The following CAMK1D variants were observed in gnomAD, a reference collection of about 807,000 sequenced individuals.
The protein encoded by CAMK1D is calcium/calmodulin dependent protein kinase ID.
A neutral mutation model predicts 47.7 loss-of-function variants in CAMK1D; 9 were observed. The ratio of observed to expected loss-of-function variants is 0.19; its 90% CI spans 0.11 to 0.33. The LOEUF (loss-of-function observed/expected upper bound fraction) is 0.33, where lower values mean the gene tolerates loss of function less well. Ranked by LOEUF, CAMK1D falls within the 10% of genes least tolerant of loss-of-function variation. CAMK1D has a pLI of 1.00. For missense variants in CAMK1D, 291 were observed against 488.7 expected (o/e 0.60, Z 3.81); for synonymous variants, 184 against 184.9 (o/e 0.99, Z 0.04).
At chr10:12,674,698 A>C (rs780083280) in intron 3 of CAMK1D, among the ~76,000 whole-genome samples, 1 of 145,792 alleles carries the variant, frequency 6.9e-6, no homozygotes, top group Non-Finnish European at 1.5e-5. Context: ...ATGGAAAGTC[A>C]GTTCGTTTGG....
chr10:12,553,257 A>G lies in CAMK1D; in HGVS notation c.125A>G (p.Glu42Gly). 1 of 1,614,194 alleles carries G rather than the reference A, an allele frequency of 6.2e-7. No individual in the cohort carries two copies. The highest frequency in any genetic ancestry group is 8.5e-7 in the Non-Finnish European group (1 of 1,180,034). ...TTTTCCGAAGTGGTTTTAGCTGAAG[A>G]GAAGGCAACTGGCAAGCTCTTTGCT... Reference protein sequence around the residue: ...GAFSEVVLAEEKATGKLFAVK... With the variant: ...GAFSEVVLAEGKATGKLFAVK... The change falls in exon 2 of 11, where the codon GAG (glutamate) becomes GGG (glycine). Residue 42 changes from glutamate (E) to glycine (G), a missense_variant. Glu to Gly is a moderately conservative substitution (Grantham distance 98, BLOSUM62 -2). This residue lies in a region of CAMK1D where 219 missense variants were observed against 424.3 expected (regional missense o/e 0.52). Transcript: ENST00000619168.
intron 10 of CAMK1D, 86 bp from the exon 11 acceptor site, chr10:12,828,683 C>G: frequency 1.1e-6 from 1 of 940,180 alleles, no homozygotes; most frequent in Non-Finnish European, 1.7e-6. Context: ...CCACCATAAA[C>G]CCAGCCCCTC....
intron 2 of CAMK1D, among the ~76,000 whole-genome samples, chr10:12,588,787 T>G (rs545124675): frequency 6.7e-6 from 1 of 149,722 alleles, no homozygotes; most frequent in Non-Finnish European, 1.5e-5. Context: ...TGTATATATA[T>G]ATACACACAC....
intron 2 of CAMK1D, among the ~76,000 whole-genome samples, chr10:12,583,666 A>G (rs2132343841): frequency 6.7e-6 from 1 of 149,226 alleles, no homozygotes; most frequent in Non-Finnish European, 1.5e-5. Context: ...CAGTGGCGCG[A>G]TCTCAGCTCA....
chr10:12,799,607 G>T (rs1838343386), intron 6 of CAMK1D, among the ~76,000 whole-genome samples: 2 of 152,184 alleles, frequency 1.3e-5, no homozygotes, highest in African/African-American at 4.8e-5. Flanking sequence ...CTCATGCTTT[G>T]GTGTAAAATC....
intron 1 of CAMK1D, among the ~76,000 whole-genome samples, chr10:12,373,402 C>T (rs1157796929): frequency 3.3e-5 from 5 of 152,000 alleles, no homozygotes; most frequent in South Asian, 2.1e-4. Context: ...GAAGCCAACG[C>T]GGGTGGGTCA....
At chr10:12,403,526 T>G (rs571695896) in intron 1 of CAMK1D, among the ~76,000 whole-genome samples, 33 of 152,216 alleles carry the variant, frequency 2.2e-4, no homozygotes, top group Non-Finnish European at 3.8e-4. Flanking sequence ...AGTATTTACA[T>G]GAACAGCTAT....
At chr10:12,544,734 G>C (rs1836304759) in intron 1 of CAMK1D, among the ~76,000 whole-genome samples, 1 of 152,224 alleles carries the variant, frequency 6.6e-6, no homozygotes, top group African/African-American at 2.4e-5. Flanking sequence ...CTAGTGTTGA[G>C]TGGATAGTAC....
intron 1 of CAMK1D, among the ~76,000 whole-genome samples, chr10:12,434,736 G>T (rs1284317072): frequency 7.2e-5 from 11 of 152,214 alleles, no homozygotes; most frequent in Admixed American, 7.2e-4. Flanking sequence ...CACATTTGAT[G>T]TTCACCGGGT....
At chr10:12,512,974 A>G (rs1052926353) in intron 1 of CAMK1D, among the ~76,000 whole-genome samples, 1 of 152,132 alleles carries the variant, frequency 6.6e-6, no homozygotes, top group African/African-American at 2.4e-5. Context: ...AACAGCACAC[A>G]CCTGGAGGAA....
intron 4 of CAMK1D, among the ~76,000 whole-genome samples, chr10:12,765,692 G>C (rs189118115): frequency 7.9e-4 from 121 of 152,304 alleles, no homozygotes; most frequent in Non-Finnish European, 2.6e-4. Flanking sequence ...AGACACACAA[G>C]GAGTGAGCTT....
chr10:12,824,666 T>A, intron 9 of CAMK1D, 114 bp downstream of exon 9: 1 of 760,952 alleles, frequency 1.3e-6, no homozygotes, highest in Non-Finnish European at 2.2e-6. Flanking sequence ...TTGCTAATTT[T>A]AACTGCAAGT....
At chr10:12,722,171 C>T (rs945226708) in intron 3 of CAMK1D, among the ~76,000 whole-genome samples, 27 of 151,964 alleles carry the variant, frequency 1.8e-4, no homozygotes, top group East Asian at 5.8e-4. Flanking sequence ...AGGCTGGGCG[C>T]GGTGGCTCAC....
At chr10:12,669,461 A>T (rs904347068) in intron 3 of CAMK1D, among the ~76,000 whole-genome samples, 6 of 152,332 alleles carry the variant, frequency 3.9e-5, no homozygotes, top group East Asian at 1.9e-4. Flanking sequence ...TTATATAAAA[A>T]ATTAGATATG....
chr10:12,464,571 T>C (rs942920789), intron 1 of CAMK1D, among the ~76,000 whole-genome samples: 1 of 152,130 alleles, frequency 6.6e-6, no homozygotes, highest in African/African-American at 2.4e-5. Context: ...ATCCCAGTAC[T>C]TTGGGAGGCC....
At chr10:12,671,272 C>T (rs927671762) in intron 3 of CAMK1D, among the ~76,000 whole-genome samples, 3 of 151,540 alleles carry the variant, frequency 2.0e-5, no homozygotes, top group Non-Finnish European at 2.9e-5. Context: ...TCATGTACAG[C>T]TTCTTTTGTG....
intron 1 of CAMK1D, among the ~76,000 whole-genome samples, chr10:12,500,197 T>C (rs1419431934): frequency 1.3e-5 from 2 of 151,440 alleles, no homozygotes; most frequent in Non-Finnish European, 2.9e-5. Context: ...ACCTGGAAGG[T>C]GGAGGTTGCA....
intron 6 of CAMK1D, among the ~76,000 whole-genome samples, chr10:12,800,106 G>C (rs1838364203): frequency 6.6e-6 from 1 of 152,162 alleles, no homozygotes; most frequent in South Asian, 2.1e-4. Flanking sequence ...GGTTTAATAT[G>C]TGAACCATTC....
At chr10:12,711,980 G>A (rs975504807) in intron 3 of CAMK1D, among the ~76,000 whole-genome samples, 4 of 152,192 alleles carry the variant, frequency 2.6e-5, no homozygotes, top group Non-Finnish European at 5.9e-5. Flanking sequence ...CCTACCAACA[G>A]ATCAGGTTTC....
Sources: allele counts gnomAD v4.1 joint callset (sites outside exome capture counted in the v4.1 genomes callset), GRCh38; gene constraint gnomAD v4.1.1; regional missense constraint gnomAD v4.1.1; transcripts MANE v1.5; gene names NCBI Gene and HGNC (gene_info 2026-07-23, HGNC 2026-07-21).